Variants in AHCYL2 observed in about 807,000 individuals in gnomAD.
AHCYL2 encodes the protein S-adenosylhomocysteine hydrolase-like protein 2.
AHCYL2 carries 28 observed loss-of-function variants against 81.4 expected under a neutral mutation model. That is an observed-to-expected ratio of 0.34 (90% CI 0.25 to 0.47). The LOEUF is 0.47. AHCYL2 is among the 20% of genes least tolerant of loss of function. The probability of loss-of-function intolerance (pLI) is 1.00; values close to 1 mark genes in which losing one functional copy is unlikely to be tolerated. For missense variants in AHCYL2, 551 were observed against 785.1 expected (o/e 0.70, Z 3.56); for synonymous variants, 272 against 290.2 (o/e 0.94, Z 0.64).
At chr7:129,389,873 C>G (rs1228181703) in intron 4 of AHCYL2, 139 bp downstream of exon 4, 5 of 612,084 alleles carry the variant, frequency 8.2e-6, no homozygotes, top group Non-Finnish European at 1.3e-5. Flanking sequence ...CCATATAAAG[C>G]AGGTATTCTT....
At chr7:129,385,018 G>A (rs532882802) in intron 2 of AHCYL2, among the ~76,000 whole-genome samples, 17 of 152,242 alleles carry the variant, frequency 1.1e-4, no homozygotes, top group African/African-American at 3.9e-4. Flanking sequence ...TAATCAGACC[G>A]TTCTCAGTGA....
chr7:129,377,173 C>T (rs138280080), intron 1 of AHCYL2, among the ~76,000 whole-genome samples: 1 of 152,200 alleles, frequency 6.6e-6, no homozygotes, highest in Non-Finnish European at 1.5e-5. Flanking sequence ...TAGAGAATAC[C>T]GGTAAGTAGA....
chr7:129,345,702 G>T (rs951560091), intron 1 of AHCYL2, among the ~76,000 whole-genome samples: 1 of 152,168 alleles, frequency 6.6e-6, no homozygotes, highest in Admixed American at 6.5e-5. Context: ...CTGGGAAAGA[G>T]TTCATGAATA....
At chr7:129,225,765 G>A (rs1032790697) in intron 1 of AHCYL2, among the ~76,000 whole-genome samples, 6 of 152,206 alleles carry the variant, frequency 3.9e-5, no homozygotes, top group African/African-American at 1.4e-4. Flanking sequence ...TGATTTTCCA[G>A]CCTATCGGGG....
At chr7:129,301,115 G>A (rs1230275491) in intron 1 of AHCYL2, among the ~76,000 whole-genome samples, 1 of 152,142 alleles carries the variant, frequency 6.6e-6, no homozygotes, top group African/African-American at 2.4e-5. Context: ...CACTGCACCT[G>A]GCCTTGAGCA....
intron 1 of AHCYL2, among the ~76,000 whole-genome samples, chr7:129,239,525 C>T (rs1794767713): frequency 6.6e-6 from 1 of 151,480 alleles, no homozygotes; most frequent in South Asian, 2.1e-4. Flanking sequence ...TAGTTCACTG[C>T]AGCCTCAAAC....
In AHCYL2 at chr7:129,246,576, T is replaced by A. The variant is rs1043879947; in HGVS notation, c.363+21137T>A. 3.3e-4 allele frequency among the ~76,000 whole-genome samples: 51 copies of A among 152,296 alleles called. 1 individual carries two copies. The highest frequency in any genetic ancestry group is 1.0e-3 in the Admixed American group (16 of 15,292). On this transcript the variant is annotated intron_variant, in intron 1 of 16. Coordinates refer to ENST00000325006, the MANE Select transcript of AHCYL2 (RefSeq NM_015328.4). ...GCCATGCTGTGAACTCGGCTCACTG[T>A]GGTCTTGATCTCCTACGCTCAATCG...
At chr7:129,369,293 T>C (rs1016863861) in intron 1 of AHCYL2, among the ~76,000 whole-genome samples, 1 of 152,234 alleles carries the variant, frequency 6.6e-6, no homozygotes, top group African/African-American at 2.4e-5. Context: ...CCCACACAGG[T>C]TTATGTTTAC....
chr7:129,288,718 C>T (rs1478935368), intron 1 of AHCYL2, among the ~76,000 whole-genome samples: 1 of 152,084 alleles, frequency 6.6e-6, no homozygotes, highest in African/African-American at 2.4e-5. Flanking sequence ...GTACTTCCAT[C>T]AGAAGGTACA....
chr7:129,350,712 T>G (rs1412734667), intron 1 of AHCYL2, among the ~76,000 whole-genome samples: 1 of 103,714 alleles, frequency 9.6e-6, no homozygotes, highest in Non-Finnish European at 2.1e-5. Flanking sequence ...CTTTCTTTCT[T>G]TCTTTTTTTT....
chr7:129,373,274 G>A (rs538558250), intron 1 of AHCYL2, among the ~76,000 whole-genome samples: 4 of 152,228 alleles, frequency 2.6e-5, no homozygotes, highest in African/African-American at 7.2e-5. Flanking sequence ...GGCTGTGTGC[G>A]GCGGCTCACG....
chr7:129,340,260 G>A (rs1352291073), intron 1 of AHCYL2, among the ~76,000 whole-genome samples: 3 of 147,566 alleles, frequency 2.0e-5, no homozygotes, highest in Non-Finnish European at 3.0e-5. Flanking sequence ...GTCCTGATCT[G>A]CCAGTTTAAA....
chr7:129,337,406 T>C (rs1381459671), intron 1 of AHCYL2, among the ~76,000 whole-genome samples: 1 of 152,256 alleles, frequency 6.6e-6, no homozygotes, highest in East Asian at 1.9e-4. Context: ...TATTTTTATT[T>C]TTTATTTTTT....
chr7:129,425,229 G>A (rs548814941), intron 15 of AHCYL2, 88 bp downstream of exon 15: 3 of 1,168,470 alleles, frequency 2.6e-6, no homozygotes, highest in South Asian at 2.6e-5. Flanking sequence ...ACTTACTTAA[G>A]GATGGGGGAA....
At chr7:129,326,441 C>T (rs1198291973) in intron 1 of AHCYL2, among the ~76,000 whole-genome samples, 2 of 151,968 alleles carry the variant, frequency 1.3e-5, no homozygotes, top group Non-Finnish European at 1.5e-5. Flanking sequence ...GCAGAAGAAT[C>T]GCTTGAACCA....
chr7:129,425,148 A>G lies in AHCYL2; in HGVS notation c.1708+7A>G, dbSNP rs748514736. The G allele has an allele frequency of 1.9e-6, 3 of 1,610,684 alleles. No homozygotes were observed. Among genetic ancestry groups the G allele is most frequent in the Admixed American group, 3.3e-5 (2 of 59,990 alleles). On this transcript the variant is annotated splice_region_variant and intron_variant, in intron 15 of 16. Coordinates refer to ENST00000325006, the MANE Select transcript of AHCYL2 (RefSeq NM_015328.4). The stretch of plus-strand genomic sequence containing the variant: ...CTGTTGCCCAAGAAGATGGGTAAGT[A>G]TTTACTCTTCCATCTCCATCCTTAC...
At chr7:129,335,000 A>G (rs1798546648) in intron 1 of AHCYL2, among the ~76,000 whole-genome samples, 1 of 152,228 alleles carries the variant, frequency 6.6e-6, no homozygotes, top group African/African-American at 2.4e-5. Context: ...CTGTGATTTC[A>G]CTTCTCTGGT....
At chr7:129,342,199 T>C (rs1563203807) in intron 1 of AHCYL2, among the ~76,000 whole-genome samples, 1 of 152,168 alleles carries the variant, frequency 6.6e-6, no homozygotes, top group African/African-American at 2.4e-5. Context: ...CTGTTACTTG[T>C]TGGTATCATC....
intron 11 of AHCYL2, among the ~76,000 whole-genome samples, chr7:129,411,452 A>T (rs554316063): frequency 2.0e-5 from 3 of 152,094 alleles, no homozygotes; most frequent in Admixed American, 1.3e-4. Flanking sequence ...AAAAATAATA[A>T]TTTTTTTTAA....
Sources: gnomAD v4.1 joint callset for allele counts (sites outside exome capture counted in the v4.1 genomes callset) on GRCh38, gnomAD v4.1.1 for gene constraint, MANE v1.5 for transcripts, NCBI Gene and HGNC (gene_info 2026-07-23, HGNC 2026-07-21) for gene names.